ASAP2: variants seen among roughly 807,000 people sequenced by gnomAD.
ASAP2 encodes the protein arf-GAP with SH3 domain, ANK repeat and PH domain-containing protein 2.
In ASAP2, 45 loss-of-function variants were observed where a neutral mutation model predicts 131.4. The ratio of observed to expected loss-of-function variants is 0.34; its 90% CI spans 0.27 to 0.44. ASAP2 has a LOEUF of 0.44. Ranked by LOEUF, ASAP2 falls within the 20% of genes least tolerant of loss-of-function variation. The probability of loss-of-function intolerance (pLI) is 1.00; values close to 1 mark genes in which losing one functional copy is unlikely to be tolerated. For missense variants in ASAP2, 1,011 were observed against 1,297.0 expected, an observed-to-expected ratio of 0.78 and a Z score of 3.39; for synonymous variants, 510 against 503.0, an observed-to-expected ratio of 1.01 and a Z score of -0.19.
At chr2:9,398,108 A>G (rs184158465) in intron 24 of ASAP2, among the ~76,000 whole-genome samples, 1 of 151,920 alleles carries the variant, frequency 6.6e-6, no homozygotes, top group Non-Finnish European at 1.5e-5. Context: ...TCACTTCAGC[A>G]CTCAGAAAAT....
intron 7 of ASAP2, 140 bp downstream of exon 7, chr2:9,328,051 C>G: frequency 1.8e-6 from 1 of 565,320 alleles, no homozygotes; most frequent in Non-Finnish European, 3.0e-6. Context: ...CATGCGACAA[C>G]ACGGGTAAAC....
chr2:9,368,328 G>A (rs1673637152), intron 15 of ASAP2, 97 bp from the exon 16 acceptor site: 2 of 1,096,518 alleles, frequency 1.8e-6, no homozygotes, highest in East Asian at 4.8e-5. Context: ...CTATTTCTTA[G>A]TGGCCATTAA....
chr2:9,215,665 G>GTTT (rs34518071), intron 1 of ASAP2, among the ~76,000 whole-genome samples: 14 of 136,540 alleles, frequency 1.0e-4, no homozygotes, highest in African/African-American at 1.3e-4. Flanking sequence ...TGTTTAGCTA[G>GTTT]TTTTTTTTTT....
intron 2 of ASAP2, among the ~76,000 whole-genome samples, chr2:9,282,210 T>G (rs1667172769): frequency 6.6e-6 from 1 of 152,138 alleles, no homozygotes. Flanking sequence ...GTCTCCTATT[T>G]TTGTCATCCT....
intron 12 of ASAP2, among the ~76,000 whole-genome samples, chr2:9,351,906 T>C (rs1218050954): frequency 6.6e-6 from 1 of 152,228 alleles, no homozygotes; most frequent in Non-Finnish European, 1.5e-5. Flanking sequence ...GTACCATTTA[T>C]TCTGTTCTTC....
intron 20 of ASAP2, 66 bp from the exon 21 acceptor site, chr2:9,385,179 T>A: frequency 7.8e-7 from 1 of 1,279,684 alleles, no homozygotes; most frequent in South Asian, 1.2e-5. Flanking sequence ...CCTGCACACT[T>A]CAGTGGGTCC....
chr2:9,377,461 G>A (rs1215218647), intron 18 of ASAP2, among the ~76,000 whole-genome samples: 2 of 152,230 alleles, frequency 1.3e-5, no homozygotes, highest in Non-Finnish European at 1.5e-5. Context: ...GGGTCGAGAA[G>A]TTGTTTTTAT....
chr2:9,368,182 T>C (rs1391868676), intron 15 of ASAP2, among the ~76,000 whole-genome samples: 1 of 152,242 alleles, frequency 6.6e-6, no homozygotes, highest in Non-Finnish European at 1.5e-5. Flanking sequence ...CCTGTCTCTG[T>C]CTGTACTCTA....
intron 8 of ASAP2, 119 bp from the exon 9 acceptor site, chr2:9,334,974 T>A: frequency 7.4e-7 from 1 of 1,360,092 alleles, no homozygotes; most frequent in Non-Finnish European, 1.0e-6. Flanking sequence ...AGGGAAGGTT[T>A]GACCAGCGAG....
At chr2:9,390,751 A>G (rs1054960042) in intron 22 of ASAP2, among the ~76,000 whole-genome samples, 4 of 152,220 alleles carry the variant, frequency 2.6e-5, no homozygotes, top group Non-Finnish European at 2.9e-5. Context: ...GCAAGAGAAC[A>G]TTGTGACTGT....
chr2:9,365,429 T>G (rs1180901451), intron 15 of ASAP2, among the ~76,000 whole-genome samples: 1 of 152,214 alleles, frequency 6.6e-6, no homozygotes, highest in African/African-American at 2.4e-5. Flanking sequence ...GAGAAGAATG[T>G]CACAGCAATT....
intron 6 of ASAP2, among the ~76,000 whole-genome samples, chr2:9,326,447 C>T (rs1166092199): frequency 2.0e-5 from 3 of 149,438 alleles, no homozygotes; most frequent in African/African-American, 7.5e-5. Context: ...ATAGGTAGTA[C>T]AGACCTTCTG....
intron 7 of ASAP2, among the ~76,000 whole-genome samples, chr2:9,332,594 T>A (rs1016777691): frequency 6.6e-6 from 1 of 152,238 alleles, no homozygotes; most frequent in Non-Finnish European, 1.5e-5. Context: ...GGGCTCATGC[T>A]CACGCGCTCT....
chr2:9,402,966 C>G (rs1676869809), intron 27 of ASAP2, among the ~76,000 whole-genome samples: 1 of 152,212 alleles, frequency 6.6e-6, no homozygotes, highest in South Asian at 2.1e-4. Context: ...GGTCAGACAG[C>G]TGACCTGTGT....
chr2:9,303,975 G>C (rs981846191), intron 3 of ASAP2, among the ~76,000 whole-genome samples: 1 of 152,238 alleles, frequency 6.6e-6, no homozygotes, highest in Admixed American at 6.5e-5. Context: ...GCTGTATGGG[G>C]CGGTGACCTC....
At position 9,266,705 on chromosome 2, in the gene ASAP2, A is replaced by G. The variant is rs544681161; in HGVS notation, c.127-12612A>G. 1.1e-4 allele frequency among the ~76,000 whole-genome samples: 16 copies of G among 152,322 alleles called. 1 individual carries two copies. The South Asian group carries it at 3.3e-3, about 32-fold the overall frequency. On this transcript the variant is annotated intron_variant, in intron 1 of 27. Transcript: ENST00000281419. The stretch of plus-strand genomic sequence containing the variant: ...GAAAAATGAAAGAAGTGTTTCTCTT[A>G]TGTTTGCTGCCGTCAAAGTTGCTAC...
At chr2:9,312,784 C>T (rs1294695767) in intron 3 of ASAP2, among the ~76,000 whole-genome samples, 2 of 152,124 alleles carry the variant, frequency 1.3e-5, no homozygotes, top group Non-Finnish European at 2.9e-5. Context: ...CTAACTCATC[C>T]GTACACCCCC....
At chr2:9,319,928 A>G (rs534296498) in intron 4 of ASAP2, among the ~76,000 whole-genome samples, 1 of 152,318 alleles carries the variant, frequency 6.6e-6, no homozygotes, top group South Asian at 2.1e-4. Context: ...TTTTAGAGAG[A>G]CATCCTGAAG....
At chr2:9,267,990 G>A (rs949230204) in intron 1 of ASAP2, among the ~76,000 whole-genome samples, 12 of 150,028 alleles carry the variant, frequency 8.0e-5, no homozygotes, top group Non-Finnish European at 1.3e-4. Flanking sequence ...CCATCGTAAC[G>A]CCCTCAGAAG....
Sources: allele counts gnomAD v4.1 joint callset (sites outside exome capture counted in the v4.1 genomes callset), GRCh38; gene constraint gnomAD v4.1.1; transcripts MANE v1.5; gene names NCBI Gene and HGNC (gene_info 2026-07-23, HGNC 2026-07-21).